Variants in GPC5 observed in about 807,000 individuals in gnomAD.
GPC5 encodes the protein glypican 5.
GPC5 carries 47 observed loss-of-function variants against 53.9 expected under a neutral mutation model. The ratio of observed to expected loss-of-function variants is 0.87; its 90% CI spans 0.69 to 1.11. The LOEUF (loss-of-function observed/expected upper bound fraction) is 1.11, where lower values mean the gene tolerates loss of function less well. GPC5 is among the 50% of genes most tolerant of loss of function. The pLI is 0.00. For synonymous variants in GPC5, 286 were observed against 263.3 expected, an observed-to-expected ratio of 1.09 and a Z score of -0.84; for missense variants, 748 against 713.1, an observed-to-expected ratio of 1.05 and a Z score of -0.56.
intron 2 of GPC5, among the ~76,000 whole-genome samples, chr13:91,659,815 G>A (rs954629321): frequency 1.3e-5 from 2 of 152,194 alleles, no homozygotes; most frequent in South Asian, 4.1e-4. Flanking sequence ...CCACTTGAGT[G>A]TAGGCTGGAC....
chr13:91,941,503 T>C (rs2039926990), intron 6 of GPC5, among the ~76,000 whole-genome samples: 3 of 152,232 alleles, frequency 2.0e-5, no homozygotes, highest in Admixed American at 2.0e-4. Context: ...AGGAACTCTC[T>C]CTTCAAAGTC....
At chr13:91,796,968 C>T (rs2038056594) in intron 5 of GPC5, among the ~76,000 whole-genome samples, 1 of 152,056 alleles carries the variant, frequency 6.6e-6, no homozygotes. Flanking sequence ...GTTTCAATTT[C>T]ATCTCATATA....
intron 6 of GPC5, among the ~76,000 whole-genome samples, chr13:91,912,509 TAA>T (rs1280156666): frequency 2.6e-5 from 4 of 152,196 alleles, no homozygotes; most frequent in African/African-American, 9.6e-5. Context: ...TTTCTATACT[TAA>T]TTATACATAT....
chr13:92,781,320 T>G (rs1011637867), intron 7 of GPC5, among the ~76,000 whole-genome samples: 10 of 152,164 alleles, frequency 6.6e-5, no homozygotes, highest in African/African-American at 1.9e-4. Context: ...ACAGGTTTAC[T>G]CTGTGTGATA....
Position 92,437,550 on chromosome 13 carries a change from T to C in GPC5, c.1561+292561T>C, listed in dbSNP as rs574115322. ...AAAAGTTTACAGCTTTTTAAAATTC[T>C]TATAGTTGCGTTAAATTCAATCATT... On this transcript the variant is annotated intron_variant, in intron 7 of 7. Coordinates refer to ENST00000377067, the MANE Select transcript of GPC5 (RefSeq NM_004466.6). Among the ~76,000 whole-genome samples, 3 of 152,290 alleles carry C rather than the reference T, an allele frequency of 2.0e-5. No individual in the cohort carries two copies. The South Asian group carries it at 6.2e-4, about 32-fold the overall frequency.
At chr13:92,182,216 T>A (rs1296000016) in intron 7 of GPC5, among the ~76,000 whole-genome samples, 1 of 152,218 alleles carries the variant, frequency 6.6e-6, no homozygotes. Context: ...ATTCCTCCCT[T>A]ACAGCTATAT....
intron 2 of GPC5, among the ~76,000 whole-genome samples, chr13:91,566,706 C>T (rs1040890075): frequency 1.3e-5 from 2 of 152,030 alleles, no homozygotes; most frequent in African/African-American, 2.4e-5. Flanking sequence ...ACATAGCAGA[C>T]TAATATTTGA....
At chr13:91,989,513 G>A (rs1054345916) in intron 6 of GPC5, among the ~76,000 whole-genome samples, 1 of 152,156 alleles carries the variant, frequency 6.6e-6, no homozygotes, top group African/African-American at 2.4e-5. Flanking sequence ...ACATTGAGAT[G>A]TGTTTTTAAT....
rs1189433533 is a variant in GPC5 at position 92,691,774 on chromosome 13, T to TG, written c.1562-174508_1562-174507insG. Among the ~76,000 whole-genome samples the TG allele has an allele frequency of 7.9e-5, 12 of 151,954 alleles. No homozygotes were observed. The South Asian group carries it at 2.5e-3, about 31-fold the overall frequency. On this transcript the variant is annotated intron_variant, in intron 7 of 7. Transcript: ENST00000377067. ...TTTCTATATAGATGGTTTTAGGGTT[T>TG]TTTTTTTTTATACCTTAAACTACAA...
intron 5 of GPC5, among the ~76,000 whole-genome samples, chr13:91,869,076 C>T (rs1429870772): frequency 6.6e-6 from 1 of 151,962 alleles, no homozygotes; most frequent in African/African-American, 2.4e-5. Context: ...TGGAGTCTTG[C>T]CCTGTTGCCC....
At chr13:91,617,170 T>G (rs1451037504) in intron 2 of GPC5, among the ~76,000 whole-genome samples, 1 of 152,188 alleles carries the variant, frequency 6.6e-6, no homozygotes, top group Non-Finnish European at 1.5e-5. Flanking sequence ...TACTTTGCCT[T>G]TTAGGTGTTC....
At chr13:92,013,551 A>G (rs918457256) in intron 6 of GPC5, among the ~76,000 whole-genome samples, 1 of 152,124 alleles carries the variant, frequency 6.6e-6, no homozygotes, top group Non-Finnish European at 1.5e-5. Context: ...TTCAAAAGGA[A>G]CCAATTGGGA....
chr13:92,017,902 G>A (rs919286065), intron 6 of GPC5, among the ~76,000 whole-genome samples: 2 of 149,828 alleles, frequency 1.3e-5, no homozygotes, highest in Non-Finnish European at 3.0e-5. Context: ...AAATACACAC[G>A]TACACGTGCA....
intron 6 of GPC5, among the ~76,000 whole-genome samples, chr13:92,090,708 C>T (rs145026135): frequency 7.9e-5 from 12 of 151,356 alleles, no homozygotes; most frequent in South Asian, 2.1e-4. Context: ...TTAAAGTCTA[C>T]GACAATTAGA....
At chr13:91,913,806 C>G (rs923496420) in intron 6 of GPC5, among the ~76,000 whole-genome samples, 2 of 152,146 alleles carry the variant, frequency 1.3e-5, no homozygotes. Context: ...CTGAAACAGG[C>G]AATATTTGTC....
At chr13:92,355,481 G>A (rs1021802211) in intron 7 of GPC5, among the ~76,000 whole-genome samples, 5 of 152,216 alleles carry the variant, frequency 3.3e-5, no homozygotes, top group Middle Eastern at 3.4e-3. Flanking sequence ...ACACACCATT[G>A]AGCCTCTGTG....
chr13:91,859,581 A>C lies in GPC5; in HGVS notation c.1281-48356A>C, dbSNP rs1011787050. Among the ~76,000 whole-genome samples the C allele has an allele frequency of 2.8e-4, 42 of 151,966 alleles. 1 individual carries two copies. Among genetic ancestry groups the C allele is most frequent in the African/African-American group, 9.9e-4 (41 of 41,440 alleles). On this transcript the variant is annotated intron_variant, in intron 5 of 7. Coordinates refer to ENST00000377067, the MANE Select transcript of GPC5 (RefSeq NM_004466.6). ...CAAATTCGTGAGTATAGAATTGTTC[A>C]TAATAATTATTATCATTTAAATATA... is the stretch of plus-strand genomic sequence containing the variant.
chr13:92,315,733 G>GA (rs2043174554), intron 7 of GPC5, among the ~76,000 whole-genome samples: 1 of 152,178 alleles, frequency 6.6e-6, no homozygotes, highest in Non-Finnish European at 1.5e-5. Context: ...ATATGGATTG[G>GA]AAAAATAATT....
At chr13:91,876,770 C>T (rs1416691554) in intron 5 of GPC5, among the ~76,000 whole-genome samples, 1 of 152,126 alleles carries the variant, frequency 6.6e-6, no homozygotes, top group Non-Finnish European at 1.5e-5. Flanking sequence ...TAGCAAGGAG[C>T]CTAATGTTAA....
Sources: allele counts gnomAD v4.1 joint callset (sites outside exome capture counted in the v4.1 genomes callset), GRCh38; gene constraint gnomAD v4.1.1; transcripts MANE v1.5; gene names NCBI Gene and HGNC (gene_info 2026-07-23, HGNC 2026-07-21).